Variants in DLC1 observed in about 807,000 individuals in gnomAD.
DLC1 encodes DLC1 Rho GTPase activating protein, also known as rho GTPase-activating protein 7.
A neutral mutation model predicts 140.3 loss-of-function variants in DLC1; 54 were observed. The ratio of observed to expected loss-of-function variants is 0.38; its 90% CI spans 0.31 to 0.48. The LOEUF (loss-of-function observed/expected upper bound fraction) is 0.48, where lower values mean the gene tolerates loss of function less well. Among genes scored for constraint, DLC1 ranks in the 20% least tolerant of loss-of-function variants. The pLI is 0.96. For synonymous variants in DLC1, 986 were observed against 728.1 expected (o/e 1.35, Z -5.70); for missense variants, 2,536 against 1,907.0 (o/e 1.33, Z -6.14).
intron 5 of DLC1, among the ~76,000 whole-genome samples, chr8:13,255,333 A>G (rs1349526405): frequency 6.6e-6 from 1 of 152,180 alleles, no homozygotes; most frequent in Admixed American, 6.5e-5. Context: ...CCTATACCTC[A>G]TTGTAATTTG....
intron 4 of DLC1, among the ~76,000 whole-genome samples, chr8:13,327,767 T>C (rs1421024358): frequency 6.6e-6 from 1 of 152,274 alleles, no homozygotes. Context: ...TCTGGCCTTA[T>C]GAAGCTCACA....
chr8:13,580,074 C>T (rs1459177119), intron 1 of DLC1, among the ~76,000 whole-genome samples: 3 of 152,004 alleles, frequency 2.0e-5, no homozygotes, highest in African/African-American at 7.2e-5. Context: ...GGCCCCAATC[C>T]CATATTCTCA....
At chr8:13,517,285 C>G (rs1464283939), upstream of DLC1, among the ~76,000 whole-genome samples, 4 of 152,036 alleles carry the variant, frequency 2.6e-5, no homozygotes, top group Admixed American at 1.3e-4. Context: ...AATACTGTAC[C>G]CCGCGCCATA....
intron 14 of DLC1, 103 bp downstream of exon 14, chr8:13,091,214 TG>T: frequency 1.0e-6 from 1 of 982,696 alleles, no homozygotes; most frequent in Non-Finnish European, 1.6e-6. Context: ...CGTCTCCAGC[TG>T]TGGAAAAGGT....
intron 5 of DLC1, among the ~76,000 whole-genome samples, chr8:13,225,620 T>A (rs934640672): frequency 1.4e-5 from 2 of 139,444 alleles, no homozygotes; most frequent in African/African-American, 3.2e-5. Flanking sequence ...TATTTAATTT[T>A]TTTTTTTTTT....
chr8:13,557,692 A>T (rs180889136), intron 1 of DLC1: 56 of 152,670 alleles, frequency 3.7e-4, no homozygotes, highest in African/African-American at 1.1e-3. Flanking sequence ...TGCCATGATT[A>T]TAAGTTTCCT....
chr8:13,172,399 T>C (rs1192332448), intron 5 of DLC1, among the ~76,000 whole-genome samples: 1 of 152,254 alleles, frequency 6.6e-6, no homozygotes, highest in East Asian at 1.9e-4. Context: ...TTACACTTTG[T>C]AGCTCATTTA....
Position 13,303,741 on chromosome 8 carries a change from G to T in DLC1, c.1348+1528C>A, listed in dbSNP as rs949222784. ...GGCTTGAATCTGGGAGGTGGAGGTT[G>T]CAGTGAGCCAAGATCACACCACTGT... On this transcript the variant is annotated intron_variant, in intron 5 of 17. Transcript: ENST00000276297. Among the ~76,000 whole-genome samples the T allele has an allele frequency of 3.9e-5, 6 of 152,162 alleles. 1 individual carries two copies. Among genetic ancestry groups the T allele is most frequent in the African/African-American group, 1.4e-4 (6 of 41,428 alleles).
intron 5 of DLC1, among the ~76,000 whole-genome samples, chr8:13,271,583 A>T (rs1315945628): frequency 6.6e-6 from 1 of 152,214 alleles, no homozygotes; most frequent in Non-Finnish European, 1.5e-5. Flanking sequence ...AATTTATTTT[A>T]TGTCTGTTGA....
chr8:13,415,470 G>A (rs1381301419), intron 2 of DLC1, among the ~76,000 whole-genome samples: 1 of 151,204 alleles, frequency 6.6e-6, no homozygotes, highest in Admixed American at 6.6e-5. Flanking sequence ...CGCGACCATG[G>A]CTCACTGCAA....
At chr8:13,571,878 C>T (rs1023455634) in intron 1 of DLC1, among the ~76,000 whole-genome samples, 2 of 152,194 alleles carry the variant, frequency 1.3e-5, no homozygotes, top group Middle Eastern at 3.4e-3. Context: ...TTTTATTTTC[C>T]CCTTCAAAAG....
chr8:13,603,779 G>A (rs531598323), intron 1 of DLC1, among the ~76,000 whole-genome samples: 1 of 152,128 alleles, frequency 6.6e-6, no homozygotes, highest in East Asian at 1.9e-4. Flanking sequence ...GGAAAGCCAT[G>A]GTATCTGTTC....
chr8:13,451,625 T>C (rs1473080794), intron 2 of DLC1, among the ~76,000 whole-genome samples: 2 of 152,208 alleles, frequency 1.3e-5, no homozygotes, highest in African/African-American at 4.8e-5. Flanking sequence ...AATGCTTGTC[T>C]TTCTGTGCCT....
intron 1 of DLC1, among the ~76,000 whole-genome samples, chr8:13,531,351 C>A (rs1379548383): frequency 6.6e-6 from 1 of 152,048 alleles, no homozygotes; most frequent in Non-Finnish European, 1.5e-5. Context: ...TTTGGAAGGC[C>A]AAGGCGGGCG....
intron 5 of DLC1, among the ~76,000 whole-genome samples, chr8:13,222,014 C>A (rs535368849): frequency 6.1e-5 from 9 of 146,532 alleles, no homozygotes; most frequent in Non-Finnish European, 1.2e-4. Context: ...AAACCATTGC[C>A]AAGTGAGAAG....
At position 13,524,487 on chromosome 8, in the gene DLC1, A is replaced by G. The variant is rs561102055; in HGVS notation, c.-125-24291T>C. On this transcript the variant is annotated intron_variant, in intron 1 of 1. Coordinates refer to the DLC1 transcript ENST00000631382. Reference sequence around the variant, plus strand: ...TTTCGCTATGTATTTTAAAATTTGTACCGTAATAGTCTATTGGTTACATGA... The same window carrying G: ...TTTCGCTATGTATTTTAAAATTTGTGCCGTAATAGTCTATTGGTTACATGA... Among the ~76,000 whole-genome samples, 32 of 152,230 alleles carry G rather than the reference A, an allele frequency of 2.1e-4. 1 individual carries two copies. The South Asian group carries it at 6.0e-3, about 29-fold the overall frequency.
intron 5 of DLC1, among the ~76,000 whole-genome samples, chr8:13,229,435 G>C (rs1021782400): frequency 2.0e-5 from 3 of 152,074 alleles, no homozygotes; most frequent in African/African-American, 7.2e-5. Context: ...ACTCAGTTGG[G>C]GGGTAGTTTT....
chr8:13,402,525 G>A (rs1205048131), intron 2 of DLC1, among the ~76,000 whole-genome samples: 1 of 152,204 alleles, frequency 6.6e-6, no homozygotes, highest in East Asian at 1.9e-4. Flanking sequence ...TGTCGCACAT[G>A]CAGTGTTGGC....
At chr8:13,505,984 A>G (rs561285909) in intron 1 of DLC1, among the ~76,000 whole-genome samples, 1 of 152,212 alleles carries the variant, frequency 6.6e-6, no homozygotes, top group Non-Finnish European at 1.5e-5. Flanking sequence ...GAAAGATGGC[A>G]ACTTTTGTAT....
Sources: gnomAD v4.1 joint callset for allele counts (sites outside exome capture counted in the v4.1 genomes callset) on GRCh38, gnomAD v4.1.1 for gene constraint, MANE v1.5 for transcripts, NCBI Gene and HGNC (gene_info 2026-07-23, HGNC 2026-07-21) for gene names.